MYO9A: variants seen among roughly 807,000 people sequenced by gnomAD.
MYO9A encodes unconventional myosin-IXa.
In MYO9A, 103 loss-of-function variants were observed where a neutral mutation model predicts 293.3. The ratio of observed to expected loss-of-function variants is 0.35; its 90% CI spans 0.30 to 0.41. The LOEUF is 0.41. Ranked by LOEUF, MYO9A falls within the 10% of genes least tolerant of loss-of-function variation. The pLI, the probability that MYO9A is intolerant of heterozygous loss-of-function variation, is 1.00. For synonymous variants in MYO9A, 1,001 were observed against 1,035.7 expected (o/e 0.97, Z 0.64); for missense variants, 2,685 against 3,033.0 (o/e 0.89, Z 2.69).
At chr15:71,923,189 T>C (rs1256631120) in intron 18 of MYO9A, among the ~76,000 whole-genome samples, 2 of 152,212 alleles carry the variant, frequency 1.3e-5, no homozygotes, top group Non-Finnish European at 2.9e-5. Context: ...CCGATTTGCA[T>C]ATGTTAAACC....
At chr15:71,879,366 GA>G (rs1362137196) in intron 30 of MYO9A, among the ~76,000 whole-genome samples, 1 of 151,852 alleles carries the variant, frequency 6.6e-6, no homozygotes, top group Non-Finnish European at 1.5e-5. Flanking sequence ...CCTCACAAAG[GA>G]AAATTAGACA....
At chr15:71,972,668 G>A (rs1473950914) in intron 12 of MYO9A, among the ~76,000 whole-genome samples, 1 of 152,090 alleles carries the variant, frequency 6.6e-6, no homozygotes, top group Non-Finnish European at 1.5e-5. Context: ...AGGAAAACAT[G>A]GTTTTAATGT....
chr15:71,897,201 T>G lies in MYO9A; in HGVS notation c.5042+260A>C, dbSNP rs118178200. On this transcript the variant is annotated intron_variant, in intron 25 of 41. Coordinates refer to ENST00000356056, the MANE Select transcript of MYO9A (RefSeq NM_006901.4). Reference sequence around the variant, plus strand: ...CCTACTATGTTTATAGGCACTGTACTGCCCTTCACAAATGCTTCTCACTTA... The same window carrying G: ...CCTACTATGTTTATAGGCACTGTACGGCCCTTCACAAATGCTTCTCACTTA... The G allele has an allele frequency of 4.0e-4, 179 of 446,274 alleles. No individual in the cohort carries two copies. The East Asian group carries it at 6.5e-3, about 16-fold the overall frequency. The allele number at this position is 446,274 out of a possible 1,614,324, so 27.6% of individuals were successfully genotyped here. A position where few individuals can be genotyped will look rare whatever the true frequency, so the allele number is the denominator to read the frequency against.
chr15:72,100,854 C>T (rs1367003826), intron 1 of MYO9A, among the ~76,000 whole-genome samples: 3 of 150,598 alleles, frequency 2.0e-5, no homozygotes, highest in African/African-American at 4.9e-5. Flanking sequence ...CCAGCCGCCC[C>T]GTCCGGGAGG....
At chr15:72,081,099 G>C (rs537801326) in intron 1 of MYO9A, among the ~76,000 whole-genome samples, 6 of 152,224 alleles carry the variant, frequency 3.9e-5, no homozygotes, top group Admixed American at 2.6e-4. Flanking sequence ...TGAGATTGCT[G>C]GGTTGAATGG....
chr15:72,017,928 CAAAT>C (rs2077391348), intron 6 of MYO9A, among the ~76,000 whole-genome samples: 2 of 152,100 alleles, frequency 1.3e-5, no homozygotes, highest in Admixed American at 6.5e-5. Flanking sequence ...TAAAATATAA[CAAAT>C]AAAGCTAAAT....
Position 72,087,554 on chromosome 15 carries a change from G to A in MYO9A, c.-72+30126C>T, listed in dbSNP as rs867428018. On this transcript the variant is annotated intron_variant, in intron 1 of 41. Coordinates refer to ENST00000356056, the MANE Select transcript of MYO9A (RefSeq NM_006901.4). Reference sequence around the variant, plus strand: ...TCACCCGTTTCCCTGGAGTCACTGGGCACCAGGAACAAGTCCTGGTGCATA... The same window carrying A: ...TCACCCGTTTCCCTGGAGTCACTGGACACCAGGAACAAGTCCTGGTGCATA... Among the ~76,000 whole-genome samples the A allele has an allele frequency of 5.3e-5, 8 of 152,256 alleles. No homozygotes were observed. In the South Asian group the frequency reaches 1.2e-3, roughly 24 times the overall value.
intron 32 of MYO9A, among the ~76,000 whole-genome samples, chr15:71,865,723 G>A (rs1442338948): frequency 6.6e-6 from 1 of 152,124 alleles, no homozygotes; most frequent in East Asian, 1.9e-4. Context: ...AAATTATATA[G>A]TGGTAATGAT....
chr15:72,036,489 T>C (rs1453494899), intron 2 of MYO9A: 1 of 152,136 alleles, frequency 6.6e-6, no homozygotes, highest in Non-Finnish European at 1.5e-5. Context: ...TTTTAACTTG[T>C]GCTATTACTA....
At chr15:71,900,057 TTTTC>T in intron 23 of MYO9A, 51 bp from the exon 24 acceptor site, 1 of 1,468,530 alleles carries the variant, frequency 6.8e-7, no homozygotes. Context: ...TTACACTGCA[TTTTC>T]ACAGGAAAAA....
intron 8 of MYO9A, among the ~76,000 whole-genome samples, chr15:72,004,554 T>C (rs969873215): frequency 8.6e-5 from 13 of 151,916 alleles, no homozygotes; most frequent in Non-Finnish European, 1.5e-4. Context: ...CGAAACTCCA[T>C]CTCAAAAAAA....
At chr15:71,869,394 A>C (rs181348547) in intron 32 of MYO9A, among the ~76,000 whole-genome samples, 1 of 152,222 alleles carries the variant, frequency 6.6e-6, no homozygotes, top group African/African-American at 2.4e-5. Flanking sequence ...TATAAGACAA[A>C]CTCAAATGGA....
chr15:71,857,656 C>G (rs1035281603), intron 34 of MYO9A, among the ~76,000 whole-genome samples: 36 of 149,718 alleles, frequency 2.4e-4, no homozygotes, highest in African/African-American at 8.6e-4. Flanking sequence ...TTGTCTCTAG[C>G]TTTCAGTCAA....
At chr15:71,862,171 G>A (rs958931197) in intron 33 of MYO9A, among the ~76,000 whole-genome samples, 1 of 152,008 alleles carries the variant, frequency 6.6e-6, no homozygotes, top group African/African-American at 2.4e-5. Flanking sequence ...GGACAAGGTG[G>A]CATTTAAACT....
intron 6 of MYO9A, among the ~76,000 whole-genome samples, chr15:72,014,749 GGAAA>G (rs751941930): frequency 0.011 from 1,551 of 143,366 alleles, 22 homozygotes; most frequent in East Asian, 0.035. Context: ...GAGAAAGAAA[GGAAA>G]GAAAGAAAGA....
intron 39 of MYO9A, among the ~76,000 whole-genome samples, chr15:71,834,331 C>T (rs2054851383): frequency 6.6e-6 from 1 of 151,902 alleles, no homozygotes; most frequent in Non-Finnish European, 1.5e-5. Flanking sequence ...CAAAATCTTT[C>T]CAAAAACAAA....
chr15:72,105,929 A>G, intron 1 of MYO9A, among the ~76,000 whole-genome samples: 1 of 152,244 alleles, frequency 6.6e-6, no homozygotes. Flanking sequence ...CATCCGTATA[A>G]TAGAATATTG....
intron 1 of MYO9A, among the ~76,000 whole-genome samples, chr15:72,102,441 T>C (rs933679510): frequency 9.5e-5 from 14 of 146,876 alleles, no homozygotes; most frequent in African/African-American, 3.5e-4. Context: ...CCTATGACCC[T>C]GCCAAATCCC....
Position 71,830,283 on chromosome 15 carries a change from T to C in MYO9A, c.6866A>G (p.Tyr2289Cys), listed in dbSNP as rs1567176097. The C allele has an allele frequency of 6.2e-7, 1 of 1,613,676 alleles. No individual in the cohort carries two copies. Among genetic ancestry groups the C allele is most frequent in the Non-Finnish European group, 8.5e-7 (1 of 1,179,938 alleles). ...TACAACAGGAGACGATGGACCTGGA[T>C]AGTTTCCTCGACGAATACGCCCCTT... ...MGKGRIRRGNYPGPSSPVVVR... is the reference protein window; with the variant it reads ...MGKGRIRRGNCPGPSSPVVVR... Residue 2289 changes from tyrosine to cysteine, a missense_variant, in exon 40 of 42, where the codon TAT becomes TGT. By Grantham distance (194) the Tyr-to-Cys change is radical. Around this residue, in one of 10 missense-constraint regions of MYO9A, gnomAD observed 350 missense variants for 328.9 expected, o/e 1.06. Coordinates refer to ENST00000356056, the MANE Select transcript of MYO9A (RefSeq NM_006901.4).
Sources: gnomAD v4.1 joint callset for allele counts (sites outside exome capture counted in the v4.1 genomes callset) on GRCh38, gnomAD v4.1.1 for gene constraint, gnomAD v4.1.1 regional missense constraint, MANE v1.5 for transcripts, NCBI Gene and HGNC (gene_info 2026-07-23, HGNC 2026-07-21) for gene names.